ZNF12: variants seen among roughly 807,000 people sequenced by gnomAD.
ZNF12 encodes the protein gonadotropin inducible transcription repressor 3.
A neutral mutation model predicts 66.6 loss-of-function variants in ZNF12; 34 were observed. That is an observed-to-expected ratio of 0.51 (90% confidence interval 0.39 to 0.68). ZNF12 has a LOEUF of 0.68. ZNF12 is among the 30% of genes least tolerant of loss of function. The pLI is 0.00. For missense variants in ZNF12, 697 were observed against 826.9 expected, an observed-to-expected ratio of 0.84 and a Z score of 1.93; for synonymous variants, 320 against 278.9, an observed-to-expected ratio of 1.15 and a Z score of -1.47.
chr7:6,697,797 G>C lies in ZNF12; in HGVS notation c.30C>G (p.Phe10Leu), dbSNP rs1339060457. Residue 10 changes from phenylalanine (F) to leucine (L), a missense_variant, in exon 3 of 5, where the codon TTC (phenylalanine) becomes TTG (leucine). This residue lies in a region of ZNF12 where 55 missense variants were observed against 83.9 expected (regional missense o/e 0.66). Transcript: ENST00000405858. This position sits in a 1 kb window ranked among gnomAD's most constrained non-coding sequence, Gnocchi z 6.1. MNKSLGPVS[F>L]KDVAVDFTQE... ...GGGTGAAGTCCACAGCCACGTCCTTGAATGACACTGGCCCCTGAAATGGCA... is the reference window on the plus strand; with the variant it reads ...GGGTGAAGTCCACAGCCACGTCCTTCAATGACACTGGCCCCTGAAATGGCA... 1 of 1,614,054 alleles carries C rather than the reference G, an allele frequency of 6.2e-7. No individual in the cohort carries two copies.
rs1283820053 is a variant in ZNF12, at chr7:6,690,016, TTCTA to T, written c.*828_*831del. 4 of 152,346 alleles carry T rather than the reference TTCTA, an allele frequency of 2.6e-5. No homozygotes were observed. In the East Asian group the frequency reaches 5.8e-4, roughly 22 times the overall value. The allele number at this position is 152,346 out of a possible 1,614,324, so 9.4% of individuals were successfully genotyped here. A position where few individuals can be genotyped will look rare whatever the true frequency, so the allele number is the denominator to read the frequency against. ...TAATTTTAAATTACCAAGCAAAGTT[TTCTA>T]TCTATTTTATACATGGATATTTATC... On this transcript the variant is annotated 3_prime_UTR_variant, in exon 5 of 5. Transcript: ENST00000405858.
rs1780036283 is a variant in ZNF12, at chr7:6,689,713, T to C, written c.*1135A>G. The C allele has an allele frequency of 6.7e-6, 1 of 149,416 alleles. No individual in the cohort carries two copies. The highest frequency in any genetic ancestry group is 6.7e-5 in the Admixed American group (1 of 14,962). The allele number at this position is 149,416 out of a possible 1,614,324, so 9.3% of individuals were successfully genotyped here. ...ATGAAAACACAGTGAATTCCTATGT[T>C]AGAAAGTCACTCGGCAATGTCTGCC... On this transcript the variant is annotated 3_prime_UTR_variant, in exon 5 of 5. Transcript: ENST00000405858.
At position 6,697,897 on chromosome 7, in the gene ZNF12, C is replaced by G; in HGVS notation, c.16-86G>C. ...TAGCATGCTCACTGGCAAAATTAAC[C>G]ATGAACACTGTATACCTTTATTTTA... On this transcript the variant is annotated intron_variant, in intron 2 of 4. Transcript: ENST00000405858. The surrounding 1 kb of genome is among the most constrained non-coding windows in gnomAD (Gnocchi z 6.1). 1 of 1,410,070 alleles carries G rather than the reference C, an allele frequency of 7.1e-7. No individual in the cohort carries two copies. The highest frequency in any genetic ancestry group is 2.3e-5 in the East Asian group (1 of 43,836). 87.3% of individuals were successfully genotyped at this position (1,410,070 alleles called of 1,614,324 possible).
chr7:6,705,089 A>AC lies in ZNF12; in HGVS notation c.15+69dup. On this transcript the variant is annotated intron_variant, in intron 2 of 4. Transcript: ENST00000405858. This position sits in a 1 kb window ranked among gnomAD's most constrained non-coding sequence, Gnocchi z 4.0. ...TCTACTTTCCCATTTTAAACTTTGA[A>AC]CCCTTAATCTCCTCCTAAGGTGTAT... 1 of 1,547,408 alleles carries AC rather than the reference A, an allele frequency of 6.5e-7. No individual in the cohort carries two copies. Among genetic ancestry groups the AC allele is most frequent in the Non-Finnish European group, 8.8e-7 (1 of 1,140,056 alleles).
chr7:6,700,584 C>G (rs758496254), intron 2 of ZNF12, among the ~76,000 whole-genome samples: 13 of 152,138 alleles, frequency 8.5e-5, no homozygotes, highest in Non-Finnish European at 1.3e-4. Flanking sequence ...CCTCAAACCC[C>G]CACTGCATTT....
At chr7:6,703,289 G>A (rs1267473535) in intron 2 of ZNF12, among the ~76,000 whole-genome samples, 1 of 152,136 alleles carries the variant, frequency 6.6e-6, no homozygotes, top group Non-Finnish European at 1.5e-5. Context: ...AGAAATACTC[G>A]ACATGGGAAA....
intron 2 of ZNF12, among the ~76,000 whole-genome samples, chr7:6,704,594 G>C (rs1476308321): frequency 2.3e-5 from 3 of 129,758 alleles, no homozygotes; most frequent in Non-Finnish European, 3.4e-5. Context: ...AAAAAAAAAG[G>C]CCGGGTGTGG....
In ZNF12 at chr7:6,697,457, A is replaced by T. The variant is rs1190387506; in HGVS notation, c.143-23T>A. 4.4e-6 allele frequency: 7 copies of T among 1,602,884 alleles called. No individual in the cohort carries two copies. Among genetic ancestry groups the T allele is most frequent in the Non-Finnish European group, 6.0e-6 (7 of 1,173,634 alleles). The stretch of plus-strand genomic sequence containing the variant: ...ACCCTGTTAATGAGAAATGAAAGAG[A>T]ACTTGAGCCCAGGCCGGTTGGCTTC... On this transcript the variant is annotated intron_variant, in intron 3 of 4. Coordinates refer to ENST00000405858, the MANE Select transcript of ZNF12 (RefSeq NM_016265.4). This position sits in a 1 kb window ranked among gnomAD's most constrained non-coding sequence, Gnocchi z 6.1.
chr7:6,701,727 C>G (rs1780245701), intron 2 of ZNF12, among the ~76,000 whole-genome samples: 1 of 152,096 alleles, frequency 6.6e-6, no homozygotes, highest in Non-Finnish European at 1.5e-5. Context: ...CTCTAACCAC[C>G]TCATGGGACA....
chr7:6,690,634 T>C lies in ZNF12; in HGVS notation c.*214A>G. 1 of 497,324 alleles carries C rather than the reference T, an allele frequency of 2.0e-6. No homozygotes were observed. The highest frequency in any genetic ancestry group is 3.5e-6 in the Non-Finnish European group (1 of 286,750). 30.8% of individuals were successfully genotyped at this position (497,324 alleles called of 1,614,324 possible). ...ATATACATTCTTAATATTTATAAAT[T>C]TTTACTTGTCTATAGTCTAGTATTG... On this transcript the variant is annotated 3_prime_UTR_variant, in exon 5 of 5. Transcript: ENST00000405858.
At chr7:6,694,284 T>A (rs1197216106) in intron 4 of ZNF12, among the ~76,000 whole-genome samples, 1 of 152,222 alleles carries the variant, frequency 6.6e-6, no homozygotes, top group African/African-American at 2.4e-5. Flanking sequence ...CTGACTACTG[T>A]ACTTGCTATC....
At position 6,705,208 on chromosome 7, in the gene ZNF12, G is replaced by C. The variant is rs765062325; in HGVS notation, c.-35C>G. 3 of 1,613,412 alleles carry C rather than the reference G, an allele frequency of 1.9e-6. No homozygotes were observed. The highest frequency in any genetic ancestry group is 2.2e-5 in the South Asian group (2 of 91,016). On this transcript the variant is annotated 5_prime_UTR_variant, in exon 2 of 5. Transcript: ENST00000405858. This position sits in a 1 kb window ranked among gnomAD's most constrained non-coding sequence, Gnocchi z 4.0. Reference sequence around the variant, plus strand: ...CTCTTGGAAAAATCTGGAGGACTGTGAAAGCGGAGGCAGATCTGGGGAAGG... The same window carrying C: ...CTCTTGGAAAAATCTGGAGGACTGTCAAAGCGGAGGCAGATCTGGGGAAGG...
chr7:6,697,923 T>C lies in ZNF12; in HGVS notation c.16-112A>G. On this transcript the variant is annotated intron_variant, in intron 2 of 4. Coordinates refer to ENST00000405858, the MANE Select transcript of ZNF12 (RefSeq NM_016265.4). This position sits in a 1 kb window ranked among gnomAD's most constrained non-coding sequence, Gnocchi z 6.1. ...ATGAACACTGTATACCTTTATTTTA[T>C]GTTACAGACTGTCAAAGGGAAACAA... is the stretch of plus-strand genomic sequence containing the variant. 8.5e-7 allele frequency: 1 copy of C among 1,176,280 alleles called. No homozygotes were observed. Among genetic ancestry groups the C allele is most frequent in the Non-Finnish European group, 1.3e-6 (1 of 788,608 alleles). The allele number at this position is 1,176,280 out of a possible 1,614,324, so 72.9% of individuals were successfully genotyped here. A position where few individuals can be genotyped will look rare whatever the true frequency, so the allele number is the denominator to read the frequency against.
chr7:6,691,403 T>C lies in ZNF12; in HGVS notation c.1539A>G (p.Arg513=). ...SQLSYLTIHH[R]THSGVKPYEC... Reference sequence around the variant, plus strand: ...CATAGGGTTTTACTCCTGAATGAGTTCTATGATGGATAGTGAGGTATGACA... The same window carrying C: ...CATAGGGTTTTACTCCTGAATGAGTCCTATGATGGATAGTGAGGTATGACA... Residue 513 remains arginine, a synonymous_variant, in exon 5 of 5, where the codon AGA becomes AGG. Coordinates refer to ENST00000405858, the MANE Select transcript of ZNF12 (RefSeq NM_016265.4). 2 of 1,614,052 alleles carry C rather than the reference T, an allele frequency of 1.2e-6. No homozygotes were observed. Among genetic ancestry groups the C allele is most frequent in the Non-Finnish European group, 1.7e-6 (2 of 1,179,926 alleles).
Position 6,697,814 on chromosome 7 carries a change from G to T in ZNF12, c.16-3C>A. 1 of 1,614,108 alleles carries T rather than the reference G, an allele frequency of 6.2e-7. No individual in the cohort carries two copies. Among genetic ancestry groups the T allele is most frequent in the Non-Finnish European group, 8.5e-7 (1 of 1,180,032 alleles). On this transcript the variant is annotated splice_polypyrimidine_tract_variant and splice_region_variant and intron_variant, in intron 2 of 4. Transcript: ENST00000405858. The surrounding 1 kb of genome is among the most constrained non-coding windows in gnomAD (Gnocchi z 6.1). ...ACGTCCTTGAATGACACTGGCCCCTGAAATGGCACCGTGATTGGAATTGGG... is the reference window on the plus strand; with the variant it reads ...ACGTCCTTGAATGACACTGGCCCCTTAAATGGCACCGTGATTGGAATTGGG...
At chr7:6,701,520 G>A (rs1384106311) in intron 2 of ZNF12, among the ~76,000 whole-genome samples, 1 of 152,114 alleles carries the variant, frequency 6.6e-6, no homozygotes, top group African/African-American at 2.4e-5. Flanking sequence ...AGAGTAGTAT[G>A]TTACATTTAC....
rs375667131 is a variant in ZNF12 at position 6,697,835 on chromosome 7, T to A, written c.16-24A>T. 52 of 1,613,858 alleles carry A rather than the reference T, an allele frequency of 3.2e-5. No homozygotes were observed. The highest frequency in any genetic ancestry group is 4.2e-5 in the Non-Finnish European group (50 of 1,180,028). ...CCCTGAAATGGCACCGTGATTGGAA[T>A]TGGGTGACGTGAAATAGGCACATAG... is the stretch of plus-strand genomic sequence containing the variant. On this transcript the variant is annotated intron_variant, in intron 2 of 4. Transcript: ENST00000405858. This position sits in a 1 kb window ranked among gnomAD's most constrained non-coding sequence, Gnocchi z 6.1.
In ZNF12 at chr7:6,706,887, G is replaced by C; in HGVS notation, c.-506C>G. The C allele has an allele frequency of 2.5e-6, 1 of 407,300 alleles. No homozygotes were observed. The highest frequency in any genetic ancestry group is 1.6e-5 in the South Asian group (1 of 60,830). 25.2% of individuals were successfully genotyped at this position (407,300 alleles called of 1,614,324 possible). ...GGCTCCGCGATTCTCGCCCACCGGA[G>C]GCCAAAGCCTGGGAACTAGGGCGAG... On this transcript the variant is annotated 5_prime_UTR_variant, in exon 1 of 5. Coordinates refer to ENST00000405858, the MANE Select transcript of ZNF12 (RefSeq NM_016265.4).
Position 6,697,047 on chromosome 7 carries a change from T to TA in ZNF12, c.238+291dup, listed in dbSNP as rs1260602964. Among the ~76,000 whole-genome samples, 9 of 151,334 alleles carry TA rather than the reference T, an allele frequency of 5.9e-5. No individual in the cohort carries two copies. The South Asian group carries it at 1.7e-3, about 28-fold the overall frequency. Reference sequence around the variant, plus strand: ...TTTTAAATGTCAGACTTATAACACCTAAAAAATCCATGATAATGGTTTCTG... The same window carrying TA: ...TTTTAAATGTCAGACTTATAACACCTAAAAAAATCCATGATAATGGTTTCTG... On this transcript the variant is annotated intron_variant, in intron 4 of 4. Transcript: ENST00000405858. The surrounding 1 kb of genome is among the most constrained non-coding windows in gnomAD (Gnocchi z 6.1).
Sources: allele counts gnomAD v4.1 joint callset (sites outside exome capture counted in the v4.1 genomes callset), GRCh38; gene constraint gnomAD v4.1.1; regional missense constraint gnomAD v4.1.1; non-coding constraint Gnocchi (gnomAD v3.1); transcripts MANE v1.5; gene names NCBI Gene and HGNC (gene_info 2026-07-23, HGNC 2026-07-21).